MSRA: variants seen among roughly 807,000 people sequenced by gnomAD.
MSRA encodes methionine sulfoxide reductase A, also known as mitochondrial peptide methionine sulfoxide reductase.
In MSRA, 54 loss-of-function variants were observed where a neutral mutation model predicts 31.3. The ratio of observed to expected loss-of-function variants is 1.73; its 90% CI spans 1.39 to 2.17. MSRA has a LOEUF of 2.17. Ranked by LOEUF, MSRA falls within the 30% of genes most tolerant of loss-of-function variation. The probability of loss-of-function intolerance (pLI) is 0.00; values close to 1 mark genes in which losing one functional copy is unlikely to be tolerated. For missense variants in MSRA, 507 were observed against 300.9 expected, an observed-to-expected ratio of 1.69 and a Z score of -5.07; for synonymous variants, 169 against 116.5, an observed-to-expected ratio of 1.45 and a Z score of -2.90.
At chr8:10,389,697 C>T (rs2129178694) in intron 5 of MSRA, among the ~76,000 whole-genome samples, 1 of 150,536 alleles carries the variant, frequency 6.6e-6, no homozygotes, top group Non-Finnish European at 1.5e-5. Context: ...CCTTCATGGG[C>T]CTTCCTCCAC....
chr8:10,139,783 G>C (rs1024461647), intron 1 of MSRA, among the ~76,000 whole-genome samples: 2 of 152,182 alleles, frequency 1.3e-5, no homozygotes, highest in Admixed American at 1.3e-4. Context: ...TGGACATTGA[G>C]GTTATTTCTA....
At chr8:10,357,773 T>C (rs776436913) in intron 5 of MSRA, among the ~76,000 whole-genome samples, 5 of 152,250 alleles carry the variant, frequency 3.3e-5, no homozygotes, top group Non-Finnish European at 7.3e-5. Flanking sequence ...GGACACACCA[T>C]ACAATGTGTA....
intron 5 of MSRA, among the ~76,000 whole-genome samples, chr8:10,402,361 G>T (rs1248540018): frequency 6.6e-6 from 1 of 152,258 alleles, no homozygotes; most frequent in Non-Finnish European, 1.5e-5. Context: ...GGCCTCTGAT[G>T]CTGAACGCCA....
chr8:10,332,422 C>G (rs1391493954), intron 5 of MSRA, among the ~76,000 whole-genome samples: 1 of 151,194 alleles, frequency 6.6e-6, no homozygotes, highest in Non-Finnish European at 1.5e-5. Context: ...CTGAATAATT[C>G]ATTGACTTAC....
intron 5 of MSRA, among the ~76,000 whole-genome samples, chr8:10,427,753 A>G (rs1809273306): frequency 6.6e-6 from 1 of 152,032 alleles, no homozygotes; most frequent in Non-Finnish European, 1.5e-5. Context: ...CCTCTCAGGG[A>G]CATCCATTTA....
At chr8:10,282,393 A>G (rs1213032766) in intron 3 of MSRA, among the ~76,000 whole-genome samples, 2 of 152,252 alleles carry the variant, frequency 1.3e-5, no homozygotes. Context: ...ACTGACCTCC[A>G]TAATGGATAT....
chr8:10,162,859 T>C (rs912926592), intron 1 of MSRA, among the ~76,000 whole-genome samples: 1 of 151,952 alleles, frequency 6.6e-6, no homozygotes, highest in Non-Finnish European at 1.5e-5. Context: ...ATTGGAGCCC[T>C]CCCCGCCTCA....
chr8:10,341,944 C>T (rs1803453614), intron 5 of MSRA, among the ~76,000 whole-genome samples: 1 of 152,162 alleles, frequency 6.6e-6, no homozygotes, highest in African/African-American at 2.4e-5. Context: ...TGCATTTCCT[C>T]CTGTGACATA....
intron 5 of MSRA, among the ~76,000 whole-genome samples, chr8:10,425,442 G>A (rs1287919906): frequency 1.3e-5 from 2 of 152,236 alleles, no homozygotes; most frequent in African/African-American, 4.8e-5. Flanking sequence ...GCTGCGAAGG[G>A]AGGAGGAGGA....
At chr8:10,365,283 C>G (rs138199894) in intron 5 of MSRA, among the ~76,000 whole-genome samples, 40 of 152,198 alleles carry the variant, frequency 2.6e-4, no homozygotes, top group African/African-American at 9.4e-4. Context: ...CTCCGAGCAT[C>G]TGTGGTGGTT....
chr8:10,140,795 G>A (rs1802638673), intron 1 of MSRA, among the ~76,000 whole-genome samples: 1 of 151,842 alleles, frequency 6.6e-6, no homozygotes, highest in Non-Finnish European at 1.5e-5. Flanking sequence ...ATAAGAACAG[G>A]GACATAAATC....
chr8:10,144,176 G>T (rs898061514), intron 1 of MSRA, among the ~76,000 whole-genome samples: 1 of 152,086 alleles, frequency 6.6e-6, no homozygotes, highest in African/African-American at 2.4e-5. Flanking sequence ...GTGAAGTCTC[G>T]TGGTGCCATG....
chr8:10,349,612 C>T (rs957363622), intron 5 of MSRA, among the ~76,000 whole-genome samples: 1 of 152,226 alleles, frequency 6.6e-6, no homozygotes, highest in African/African-American at 2.4e-5. Flanking sequence ...GCTCATGCCT[C>T]AATGATGAGG....
chr8:10,283,422 A>G (rs988251921), intron 3 of MSRA, among the ~76,000 whole-genome samples: 4 of 151,882 alleles, frequency 2.6e-5, no homozygotes, highest in African/African-American at 4.8e-5. Flanking sequence ...TGTCCTATCT[A>G]CTGCTTTTCT....
chr8:10,361,096 G>T (rs1804820422), intron 5 of MSRA, among the ~76,000 whole-genome samples: 1 of 152,224 alleles, frequency 6.6e-6, no homozygotes, highest in South Asian at 2.1e-4. Flanking sequence ...AGGCTCTGCA[G>T]CTCCAGGGTT....
chr8:10,187,973 G>C (rs892264946), intron 1 of MSRA, among the ~76,000 whole-genome samples: 1 of 152,134 alleles, frequency 6.6e-6, no homozygotes, highest in Non-Finnish European at 1.5e-5. Context: ...TTTTCAATTT[G>C]CTTTACAGAC....
At chr8:10,163,847 G>A (rs1431168607) in intron 1 of MSRA, among the ~76,000 whole-genome samples, 1 of 152,238 alleles carries the variant, frequency 6.6e-6, no homozygotes, top group Non-Finnish European at 1.5e-5. Context: ...GCACAGACCA[G>A]TGTGGCCCCT....
intron 1 of MSRA, among the ~76,000 whole-genome samples, chr8:10,079,804 T>G (rs547862399): frequency 6.6e-6 from 1 of 152,322 alleles, no homozygotes; most frequent in Non-Finnish European, 1.5e-5. Flanking sequence ...CTGTGGCCCC[T>G]GAGAGTGGGC....
At chr8:10,256,713 A>G (rs1056193485) in intron 3 of MSRA, among the ~76,000 whole-genome samples, 6 of 152,152 alleles carry the variant, frequency 3.9e-5, no homozygotes, top group Non-Finnish European at 8.8e-5. Flanking sequence ...AAGAGTTCAG[A>G]TTTGCATGTG....
Sources: allele counts gnomAD v4.1 joint callset (sites outside exome capture counted in the v4.1 genomes callset), GRCh38; gene constraint gnomAD v4.1.1; transcripts MANE v1.5; gene names NCBI Gene and HGNC (gene_info 2026-07-23, HGNC 2026-07-21).